Variants in EPHB3 observed in about 807,000 individuals in gnomAD.
EPHB3 encodes ephrin type-B receptor 3.
Under a neutral mutation model 100.2 loss-of-function variants are expected in EPHB3, and 33 were observed. The ratio of observed to expected loss-of-function variants is 0.33; its 90% CI spans 0.25 to 0.44. The LOEUF (loss-of-function observed/expected upper bound fraction) is 0.44, where lower values mean the gene tolerates loss of function less well. Among genes scored for constraint, EPHB3 ranks in the 20% least tolerant of loss-of-function variants. EPHB3 has a pLI of 1.00. For synonymous variants in EPHB3, 526 were observed against 554.7 expected (o/e 0.95, Z 0.73); for missense variants, 1,045 against 1,378.3 (o/e 0.76, Z 3.83).
In EPHB3 at chr3:184,578,067, GC is replaced by G; in HGVS notation, c.1748+64del. The stretch of plus-strand genomic sequence containing the variant: ...TCGAACTGCCCTTTAGCATCCTAGA[GC>G]CCTCATGCCACAGAGATGAGCCGCC... On this transcript the variant is annotated intron_variant, in intron 8 of 15. Transcript: ENST00000330394. This position sits in a 1 kb window ranked among gnomAD's most constrained non-coding sequence, Gnocchi z 4.7. 1.3e-6 allele frequency: 2 copies of G among 1,560,286 alleles called. No homozygotes were observed.
Position 184,579,009 on chromosome 3 carries a change from C to T in EPHB3, c.1802-468C>T, listed in dbSNP as rs1265659533. Among the ~76,000 whole-genome samples, 3 of 152,072 alleles carry T rather than the reference C, an allele frequency of 2.0e-5. No homozygotes were observed. Among genetic ancestry groups the T allele is most frequent in the Non-Finnish European group, 2.9e-5 (2 of 68,024 alleles). ...AGGCTGGGTAGCTGTGGCCAGCCCT[C>T]GGAGGGTCCTGAAAGGCAGGCAGAG... On this transcript the variant is annotated intron_variant, in intron 9 of 15. Coordinates refer to ENST00000330394, the MANE Select transcript of EPHB3 (RefSeq NM_004443.4). The surrounding 1 kb of genome is among the most constrained non-coding windows in gnomAD (Gnocchi z 5.2).
At chr3:184,566,414 T>A (rs1180803453) in intron 1 of EPHB3, among the ~76,000 whole-genome samples, 1 of 152,172 alleles carries the variant, frequency 6.6e-6, no homozygotes, top group Non-Finnish European at 1.5e-5. Context: ...CCCCACCCCA[T>A]CCCAGACATG....
Position 184,562,863 on chromosome 3 carries a change from C to T in EPHB3, c.118+510C>T, listed in dbSNP as rs747399669. 2.0e-4 allele frequency among the ~76,000 whole-genome samples: 31 copies of T among 152,306 alleles called. No homozygotes were observed. The highest frequency in any genetic ancestry group is 3.2e-4 in the Non-Finnish European group (22 of 68,018). On this transcript the variant is annotated intron_variant, in intron 1 of 15. Transcript: ENST00000330394. The surrounding 1 kb of genome is among the most constrained non-coding windows in gnomAD (Gnocchi z 4.8). ...GGGGACCGCTGCGGGGGCGGACAGG[C>T]GGGGGCCTGTTATTGTTTATGGTTT...
At position 184,565,681 on chromosome 3, in the gene EPHB3, G is replaced by C. The variant is rs1461699877; in HGVS notation, c.118+3328G>C. On this transcript the variant is annotated intron_variant, in intron 1 of 15. Transcript: ENST00000330394. This position sits in a 1 kb window ranked among gnomAD's most constrained non-coding sequence, Gnocchi z 4.8. Reference sequence around the variant, plus strand: ...GGGACAGCGGGCCAGGATTTGGAGGGCTTGCTCACTTGTTTGAGTTGCCTC... The same window carrying C: ...GGGACAGCGGGCCAGGATTTGGAGGCCTTGCTCACTTGTTTGAGTTGCCTC... 6.6e-6 allele frequency among the ~76,000 whole-genome samples: 1 copy of C among 152,158 alleles called. No homozygotes were observed.
Position 184,562,007 on chromosome 3 carries a change from T to C in EPHB3, c.-229T>C, listed in dbSNP as rs1026234243. ...ATCCTCCTGGACCGGTCCGTCCAGA[T>C]TCCCGCGGGACCGACCTGTCCGCAT... On this transcript the variant is annotated 5_prime_UTR_variant, in exon 1 of 16. Transcript: ENST00000330394. This position sits in a 1 kb window ranked among gnomAD's most constrained non-coding sequence, Gnocchi z 4.8. 2 of 161,898 alleles carry C rather than the reference T, an allele frequency of 1.2e-5. No homozygotes were observed. Among genetic ancestry groups the C allele is most frequent in the Admixed American group, 1.3e-4 (2 of 15,658 alleles). The allele number at this position is 161,898 out of a possible 1,614,324, so 10.0% of individuals were successfully genotyped here.
chr3:184,564,427 G>A (rs1714332267), intron 1 of EPHB3, among the ~76,000 whole-genome samples: 1 of 152,240 alleles, frequency 6.6e-6, no homozygotes, highest in Non-Finnish European at 1.5e-5. Context: ...CCACCCTCTG[G>A]CTCTCCCTCA....
At position 184,579,417 on chromosome 3, in the gene EPHB3, C is replaced by G; in HGVS notation, c.1802-60C>G. ...AGCAGGGAGCCTGCTGGAGCTGTGCCCATCGCAGGGAGAGGCTGGCTTGAC... is the reference window on the plus strand; with the variant it reads ...AGCAGGGAGCCTGCTGGAGCTGTGCGCATCGCAGGGAGAGGCTGGCTTGAC... On this transcript the variant is annotated intron_variant, in intron 9 of 15. Coordinates refer to ENST00000330394, the MANE Select transcript of EPHB3 (RefSeq NM_004443.4). The surrounding 1 kb of genome is among the most constrained non-coding windows in gnomAD (Gnocchi z 5.2). The G allele has an allele frequency of 6.3e-7, 1 of 1,592,388 alleles. No individual in the cohort carries two copies. The highest frequency in any genetic ancestry group is 8.6e-7 in the Non-Finnish European group (1 of 1,165,128).
At chr3:184,574,424 C>T (rs1371382328) in intron 3 of EPHB3, among the ~76,000 whole-genome samples, 2 of 152,208 alleles carry the variant, frequency 1.3e-5, no homozygotes, top group Non-Finnish European at 2.9e-5. Flanking sequence ...GCTCTGTGCA[C>T]AGGCCTTGTA....
rs375488264 is a variant in EPHB3 at position 184,573,244 on chromosome 3, C to T, written c.856+68C>T. 6.9e-5 allele frequency: 108 copies of T among 1,573,692 alleles called. No homozygotes were observed. The East Asian group carries it at 2.1e-3, about 30-fold the overall frequency. The stretch of plus-strand genomic sequence containing the variant: ...TGGGCCACAGCTACCTACCGCCCCG[C>T]CCCCCACCCCTGCTTGCTATCTGAC... On this transcript the variant is annotated intron_variant, in intron 3 of 15. Coordinates refer to ENST00000330394, the MANE Select transcript of EPHB3 (RefSeq NM_004443.4). This position sits in a 1 kb window ranked among gnomAD's most constrained non-coding sequence, Gnocchi z 4.5.
chr3:184,562,656 G>A lies in EPHB3; in HGVS notation c.118+303G>A, dbSNP rs962303448. Among the ~76,000 whole-genome samples the A allele has an allele frequency of 3.3e-5, 5 of 152,104 alleles. No individual in the cohort carries two copies. Among genetic ancestry groups the A allele is most frequent in the Admixed American group, 2.6e-4 (4 of 15,282 alleles). On this transcript the variant is annotated intron_variant, in intron 1 of 15. Transcript: ENST00000330394. The surrounding 1 kb of genome is among the most constrained non-coding windows in gnomAD (Gnocchi z 4.8). ...GCGGGAGTCCCCCACACTCACGGCA[G>A]AGAAGTGGGGCTCCCGGCACCCCCC...
chr3:184,572,571 G>A lies in EPHB3; in HGVS notation c.251G>A (p.Arg84His), dbSNP rs373498027. ...PIRTYQVCNV[R>H]ESSQNNWLRT... is the part of the protein sequence containing the mutation. ...CGCACATACCAGGTGTGTAATGTGCGCGAGTCAAGCCAGAACAACTGGCTT... is the reference window on the plus strand; with the variant it reads ...CGCACATACCAGGTGTGTAATGTGCACGAGTCAAGCCAGAACAACTGGCTT... Residue 84 changes from arginine to histidine, a missense_variant, in exon 3 of 16, where the codon CGC becomes CAC. Physicochemically the swap from Arg to His is conservative, Grantham distance 29 (BLOSUM62 0). Coordinates refer to ENST00000330394, the MANE Select transcript of EPHB3 (RefSeq NM_004443.4). This position sits in a 1 kb window ranked among gnomAD's most constrained non-coding sequence, Gnocchi z 6.6. 58 of 1,547,156 alleles carry A rather than the reference G, an allele frequency of 3.7e-5. No homozygotes were observed. The highest frequency in any genetic ancestry group is 9.0e-5 in the South Asian group (7 of 78,120).
rs1714353136 is a variant in EPHB3 at position 184,565,219 on chromosome 3, A to T, written c.118+2866A>T. Among the ~76,000 whole-genome samples the T allele has an allele frequency of 6.6e-6, 1 of 151,866 alleles. No individual in the cohort carries two copies. The highest frequency in any genetic ancestry group is 1.5e-5 in the Non-Finnish European group (1 of 67,978). On this transcript the variant is annotated intron_variant, in intron 1 of 15. Transcript: ENST00000330394. The surrounding 1 kb of genome is among the most constrained non-coding windows in gnomAD (Gnocchi z 4.8). Reference sequence around the variant, plus strand: ...CTCTGATTGATTGTCCCCTTCCCCCATGCAAATTGCCCTGGGCTTTACGCA... The same window carrying T: ...CTCTGATTGATTGTCCCCTTCCCCCTTGCAAATTGCCCTGGGCTTTACGCA...
Position 184,579,640 on chromosome 3 carries a change from G to C in EPHB3, c.1924+41G>C. 1.9e-6 allele frequency: 3 copies of C among 1,612,278 alleles called. No homozygotes were observed. The highest frequency in any genetic ancestry group is 2.5e-6 in the Non-Finnish European group (3 of 1,178,634). ...CACAGTAGAGATGAGAAGCTGAGGC[G>C]GGCTGGGTACAGGAGTGAGTCATAG... On this transcript the variant is annotated intron_variant, in intron 10 of 15. Coordinates refer to ENST00000330394, the MANE Select transcript of EPHB3 (RefSeq NM_004443.4). The surrounding 1 kb of genome is among the most constrained non-coding windows in gnomAD (Gnocchi z 5.2).
chr3:184,575,975 T>A lies in EPHB3; in HGVS notation c.1002T>A (p.Ser334Arg), dbSNP rs369292032. 2 of 1,611,590 alleles carry A rather than the reference T, an allele frequency of 1.2e-6. No homozygotes were observed. Residue 334 changes from serine (S) to arginine (R), a missense_variant, in exon 4 of 16, where the codon AGT (serine) becomes AGA (arginine). Ser to Arg is a moderately radical substitution (Grantham distance 110). Coordinates refer to ENST00000330394, the MANE Select transcript of EPHB3 (RefSeq NM_004443.4). Reference sequence around the variant, plus strand: ...GTGCAGACTCGGACTCTGCGGACAGTGCCTGTACCAGTGAGTGAACGCGTG... The same window carrying A: ...GTGCAGACTCGGACTCTGCGGACAGAGCCTGTACCAGTGAGTGAACGCGTG... ...FYRADSDSAD[S>R]ACTTVPSPPR... is the part of the protein sequence containing the mutation.
chr3:184,573,280 G>A lies in EPHB3; in HGVS notation c.856+104G>A. ...TGCTTGCTATCTGACTAGGAGGTCT[G>A]GGAGCAGGTCCACAGTGGAGGCAGG... On this transcript the variant is annotated intron_variant, in intron 3 of 15. Transcript: ENST00000330394. The surrounding 1 kb of genome is among the most constrained non-coding windows in gnomAD (Gnocchi z 4.5). The A allele has an allele frequency of 6.9e-7, 1 of 1,457,754 alleles. No homozygotes were observed. The allele number at this position is 1,457,754 out of a possible 1,614,324, so 90.3% of individuals were successfully genotyped here.
At position 184,577,457 on chromosome 3, in the gene EPHB3, A is replaced by C; in HGVS notation, c.1469A>C (p.Tyr490Ser). The change falls in exon 6 of 16, where the codon TAC (tyrosine) becomes TCC (serine). Residue 490 changes from tyrosine (Y) to serine (S), a missense_variant. Transcript: ENST00000330394. The surrounding 1 kb of genome is among the most constrained non-coding windows in gnomAD (Gnocchi z 4.9). ...GTCATCCTGGACTACGAGATGAAGT[A>C]CTTTGAGAAGGTCAGAACCTCAAGG... ...NGVILDYEMK[Y>S]FEKSEGIAST... is the part of the protein sequence containing the mutation. The C allele has an allele frequency of 6.2e-7, 1 of 1,614,032 alleles. No homozygotes were observed. Among genetic ancestry groups the C allele is most frequent in the Non-Finnish European group, 8.5e-7 (1 of 1,179,990 alleles).
rs1714473154 is a variant in EPHB3, at chr3:184,569,133, G to A, written c.119-2185G>A. ...AGGCTGAGCAGAAGGAAGTGAGGGA[G>A]AGGGAGGAGGGAGGCGGCGCGAGGG... On this transcript the variant is annotated intron_variant, in intron 1 of 15. Transcript: ENST00000330394. The surrounding 1 kb of genome is among the most constrained non-coding windows in gnomAD (Gnocchi z 5.4). Among the ~76,000 whole-genome samples the A allele has an allele frequency of 6.6e-6, 1 of 152,196 alleles. No individual in the cohort carries two copies. Among genetic ancestry groups the A allele is most frequent in the Non-Finnish European group, 1.5e-5 (1 of 68,036 alleles).
In EPHB3 at chr3:184,579,671, G is replaced by A. The variant is rs764297159; in HGVS notation, c.1925-16G>A. ...GGTACAGGAGTGAGTCATAGCTTGT[G>A]CCCTGTGCCCTGCAGGGGAATTTGG... On this transcript the variant is annotated splice_polypyrimidine_tract_variant and intron_variant, in intron 10 of 15. Coordinates refer to ENST00000330394, the MANE Select transcript of EPHB3 (RefSeq NM_004443.4). The surrounding 1 kb of genome is among the most constrained non-coding windows in gnomAD (Gnocchi z 5.2). 10 of 1,610,906 alleles carry A rather than the reference G, an allele frequency of 6.2e-6. No homozygotes were observed. In the Admixed American group the frequency reaches 8.4e-5, roughly 13 times the overall value.
chr3:184,575,533 G>A (rs779173802), intron 3 of EPHB3, among the ~76,000 whole-genome samples: 6 of 149,838 alleles, frequency 4.0e-5, no homozygotes, highest in Non-Finnish European at 7.4e-5. Context: ...TGTCTTCCCT[G>A]CCTCAACAAG....
Sources: gnomAD v4.1 joint callset for allele counts (sites outside exome capture counted in the v4.1 genomes callset) on GRCh38, gnomAD v4.1.1 for gene constraint, Gnocchi (gnomAD v3.1) non-coding constraint, MANE v1.5 for transcripts, NCBI Gene and HGNC (gene_info 2026-07-23, HGNC 2026-07-21) for gene names.